APBA2: variants seen among roughly 807,000 people sequenced by gnomAD.
The protein encoded by APBA2 is amyloid beta precursor protein binding family A member 2.
A neutral mutation model predicts 75.0 loss-of-function variants in APBA2; 30 were observed. The observed-to-expected ratio is 0.40, with a 90% CI of 0.30 to 0.54. The LOEUF (loss-of-function observed/expected upper bound fraction) is 0.54. Ranked by LOEUF, APBA2 falls within the 20% of genes least tolerant of loss-of-function variation. The pLI, the probability that APBA2 is intolerant of heterozygous loss-of-function variation, is 0.49. For synonymous variants in APBA2, 444 were observed against 409.6 expected (o/e 1.08, Z -1.01); for missense variants, 801 against 1,016.1 (o/e 0.79, Z 2.88).
At chr15:29,112,135 C>T (rs570539712) in intron 13 of APBA2, among the ~76,000 whole-genome samples, 3 of 152,348 alleles carry the variant, frequency 2.0e-5, no homozygotes, top group African/African-American at 4.8e-5. Context: ...AGTCCTAGCT[C>T]CAGCTGGCCT....
At chr15:29,034,255 C>G (rs1033692946) in intron 3 of APBA2, among the ~76,000 whole-genome samples, 8 of 152,196 alleles carry the variant, frequency 5.3e-5, no homozygotes, top group Non-Finnish European at 1.0e-4. Flanking sequence ...AGAAGTCAGG[C>G]TGGTAGCCCG....
chr15:28,950,115 C>G (rs1000008636), intron 2 of APBA2, among the ~76,000 whole-genome samples: 1 of 152,108 alleles, frequency 6.6e-6, no homozygotes, highest in African/African-American at 2.4e-5. Flanking sequence ...TGATAGTTTT[C>G]AAGAGTACAG....
intron 5 of APBA2, 81 bp from the exon 6 acceptor site, chr15:29,075,974 C>A: frequency 7.6e-7 from 1 of 1,312,270 alleles, no homozygotes. Flanking sequence ...TGGCTCATAT[C>A]ACAGCCCTGC....
At chr15:28,896,394 C>T (rs1307572246) in intron 1 of APBA2, among the ~76,000 whole-genome samples, 1 of 152,198 alleles carries the variant, frequency 6.6e-6, no homozygotes, top group Admixed American at 6.5e-5. Flanking sequence ...ATTCTCCTGC[C>T]TCAGCCTCCC....
chr15:28,994,869 G>C (rs1473852093), intron 2 of APBA2, among the ~76,000 whole-genome samples: 2 of 152,204 alleles, frequency 1.3e-5, no homozygotes, highest in Non-Finnish European at 2.9e-5. Context: ...CTGTCCAGCA[G>C]CGCAGCCATT....
chr15:28,979,896 A>T (rs530749760), intron 2 of APBA2, among the ~76,000 whole-genome samples: 1 of 152,370 alleles, frequency 6.6e-6, no homozygotes, highest in African/African-American at 2.4e-5. Context: ...TTTTAAAAAA[A>T]GAGAAAAGCA....
At chr15:28,924,726 T>C (rs1035724686) in intron 2 of APBA2, among the ~76,000 whole-genome samples, 1 of 152,192 alleles carries the variant, frequency 6.6e-6, no homozygotes, top group Non-Finnish European at 1.5e-5. Flanking sequence ...TGAGTGTGTG[T>C]GGATAGTGTT....
intron 2 of APBA2, among the ~76,000 whole-genome samples, chr15:28,930,535 C>G (rs1173908276): frequency 6.6e-6 from 1 of 152,266 alleles, no homozygotes; most frequent in Non-Finnish European, 1.5e-5. Context: ...CCGGCTGGAG[C>G]CTGACCTGTC....
chr15:29,025,263 A>T (rs2040157130), intron 3 of APBA2, among the ~76,000 whole-genome samples: 1 of 138,106 alleles, frequency 7.2e-6, no homozygotes. Context: ...AAGAATTGGG[A>T]TTTTTTTTTT....
intron 3 of APBA2, among the ~76,000 whole-genome samples, chr15:29,038,101 C>T (rs886151576): frequency 1.3e-5 from 2 of 152,188 alleles, no homozygotes; most frequent in African/African-American, 4.8e-5. Flanking sequence ...TGGTTTTGCC[C>T]CCCAGGACTC....
chr15:29,087,659 C>T (rs946115902), intron 6 of APBA2, among the ~76,000 whole-genome samples: 2 of 152,204 alleles, frequency 1.3e-5, no homozygotes, highest in Non-Finnish European at 2.9e-5. Context: ...GCCTGGAGGC[C>T]ACGCCTTAGC....
intron 1 of APBA2, among the ~76,000 whole-genome samples, chr15:28,886,798 A>G (rs140941804): frequency 6.6e-6 from 1 of 152,036 alleles, no homozygotes; most frequent in Non-Finnish European, 1.5e-5. Flanking sequence ...AAACTTATCA[A>G]TTCAAAACCC....
At chr15:28,925,698 T>C (rs754716698) in intron 2 of APBA2, among the ~76,000 whole-genome samples, 5 of 152,330 alleles carry the variant, frequency 3.3e-5, no homozygotes, top group Non-Finnish European at 4.4e-5. Context: ...AGTTGATTTA[T>C]GATGCTATTC....
intron 1 of APBA2, among the ~76,000 whole-genome samples, chr15:28,898,010 G>A (rs1052765811): frequency 6.6e-6 from 1 of 152,210 alleles, no homozygotes; most frequent in Non-Finnish European, 1.5e-5. Context: ...AGAGAGAGAT[G>A]TGACCAAGGA....
At chr15:28,993,018 C>T (rs911174096) in intron 2 of APBA2, among the ~76,000 whole-genome samples, 1 of 152,216 alleles carries the variant, frequency 6.6e-6, no homozygotes, top group Non-Finnish European at 1.5e-5. Context: ...TCCTCACTGC[C>T]CCTGGAGGGG....
chr15:28,925,211 C>A (rs2034194073), intron 2 of APBA2, among the ~76,000 whole-genome samples: 1 of 152,160 alleles, frequency 6.6e-6, no homozygotes, highest in Admixed American at 6.5e-5. Flanking sequence ...ACCAACATTG[C>A]AGCCTTGGAA....
chr15:29,113,209 C>T (rs555435903), intron 13 of APBA2, among the ~76,000 whole-genome samples: 2 of 152,284 alleles, frequency 1.3e-5, no homozygotes, highest in South Asian at 4.2e-4. Flanking sequence ...CCCAGGCCCT[C>T]CTGTCCATCT....
chr15:29,066,975 G>T (rs1489559879), intron 4 of APBA2, among the ~76,000 whole-genome samples: 1 of 152,152 alleles, frequency 6.6e-6, no homozygotes, highest in African/African-American at 2.4e-5. Flanking sequence ...TTCTGGGGAG[G>T]CCTCAGGAAG....
At chr15:28,957,327 G>A (rs995271254) in intron 2 of APBA2, among the ~76,000 whole-genome samples, 52 of 152,122 alleles carry the variant, frequency 3.4e-4, no homozygotes, top group African/African-American at 1.2e-3. Context: ...CGCCCGCCTC[G>A]GCCTCCCAAA....
Sources: gnomAD v4.1 joint callset for allele counts (sites outside exome capture counted in the v4.1 genomes callset) on GRCh38, gnomAD v4.1.1 for gene constraint, MANE v1.5 for transcripts, NCBI Gene and HGNC (gene_info 2026-07-23, HGNC 2026-07-21) for gene names.